The following TYR variants were observed in gnomAD, a reference collection of about 807,000 sequenced individuals.
The protein encoded by TYR is LB24-AB.
TYR carries 58 observed loss-of-function variants against 51.5 expected under a neutral mutation model. The ratio of observed to expected loss-of-function variants is 1.13; its 90% CI spans 0.91 to 1.40. TYR has a LOEUF of 1.40. TYR is among the 40% of genes most tolerant of loss of function. The probability of loss-of-function intolerance (pLI) is 0.00; values close to 1 mark genes in which losing one functional copy is unlikely to be tolerated. For synonymous variants in TYR, 263 were observed against 235.2 expected (o/e 1.12, Z -1.08); for missense variants, 732 against 647.4 (o/e 1.13, Z -1.42).
chr11:89,267,237 T>C (rs562486336), intron 3 of TYR, among the ~76,000 whole-genome samples: 17 of 152,116 alleles, frequency 1.1e-4, no homozygotes, highest in African/African-American at 3.6e-4. Flanking sequence ...AGTGTGCCTG[T>C]ACTACATATG....
chr11:89,249,671 A>C (rs908150992), intron 3 of TYR, among the ~76,000 whole-genome samples: 1 of 152,056 alleles, frequency 6.6e-6, no homozygotes, highest in Non-Finnish European at 1.5e-5. Flanking sequence ...AAGTTTTCAC[A>C]AAATAAGGAG....
Position 89,178,011 on chromosome 11 carries a change from T to A in TYR, c.58T>A (p.Phe20Ile). 1 of 1,614,216 alleles carries A rather than the reference T, an allele frequency of 6.2e-7. No homozygotes were observed. Among genetic ancestry groups the A allele is most frequent in the Non-Finnish European group, 8.5e-7 (1 of 1,180,028 alleles). ...LWSFQTSAGH[F>I]PRACVSSKNL... is the part of the protein sequence containing the mutation. ...GAGTTTCCAGACCTCCGCTGGCCAT[T>A]TCCCTAGAGCCTGTGTCTCCTCTAA... Residue 20 changes from phenylalanine (F) to isoleucine (I), a missense_variant, in exon 1 of 5, where the codon TTC (phenylalanine) becomes ATC (isoleucine). By Grantham distance (21) the Phe-to-Ile change is conservative (BLOSUM62 0). Transcript: ENST00000263321.
chr11:89,256,169 A>G (rs1944388971), intron 3 of TYR, among the ~76,000 whole-genome samples: 1 of 151,816 alleles, frequency 6.6e-6, no homozygotes, highest in Admixed American at 6.6e-5. Flanking sequence ...ATAATTTTAA[A>G]CTTTAATTTA....
At chr11:89,291,900 T>G (rs375464020) in intron 4 of TYR, among the ~76,000 whole-genome samples, 1 of 152,042 alleles carries the variant, frequency 6.6e-6, no homozygotes, top group Non-Finnish European at 1.5e-5. Context: ...CTTCTCAGTA[T>G]AGTATTATCA....
intron 3 of TYR, among the ~76,000 whole-genome samples, chr11:89,284,229 G>A (rs762377081): frequency 2.0e-5 from 3 of 151,674 alleles, no homozygotes; most frequent in African/African-American, 4.8e-5. Context: ...AGAAAAAGCC[G>A]AGAAACAAAG....
Position 89,178,390 on chromosome 11 carries a change from G to A in TYR, c.437G>A (p.Ser146Asn). The change falls in exon 1 of 5, where the codon AGC (serine) becomes AAC (asparagine). Residue 146 changes from serine to asparagine, a missense_variant. Coordinates refer to ENST00000263321, the MANE Select transcript of TYR (RefSeq NM_000372.5). Reference protein sequence around the residue: ...AYLTLAKHTISSDYVIPIGTY... With the variant: ...AYLTLAKHTINSDYVIPIGTY... ...CTCACTTTAGCAAAGCATACCATCAGCTCAGACTATGTCATCCCCATAGGG... is the reference window on the plus strand; with the variant it reads ...CTCACTTTAGCAAAGCATACCATCAACTCAGACTATGTCATCCCCATAGGG... The A allele has an allele frequency of 2.5e-6, 4 of 1,614,144 alleles. No homozygotes were observed. Among genetic ancestry groups the A allele is most frequent in the Non-Finnish European group, 3.4e-6 (4 of 1,180,036 alleles).
intron 2 of TYR, among the ~76,000 whole-genome samples, chr11:89,195,146 A>T (rs1394605651): frequency 6.6e-6 from 1 of 152,180 alleles, no homozygotes; most frequent in East Asian, 1.9e-4. Context: ...CTCTCTCAAT[A>T]AATGCATATG....
At chr11:89,227,674 G>A in intron 2 of TYR, 149 bp from the exon 3 acceptor site, 1 of 721,512 alleles carries the variant, frequency 1.4e-6, no homozygotes, top group Non-Finnish European at 2.3e-6. Context: ...TATCCAGAAT[G>A]TAAAGAGTCT....
intron 3 of TYR, among the ~76,000 whole-genome samples, chr11:89,260,147 C>A (rs182500316): frequency 6.6e-6 from 1 of 151,774 alleles, no homozygotes; most frequent in Admixed American, 6.6e-5. Context: ...AAGGCAAGGA[C>A]GTGTGCAGTA....
At chr11:89,193,752 T>G (rs1205480725) in intron 2 of TYR, among the ~76,000 whole-genome samples, 2 of 152,090 alleles carry the variant, frequency 1.3e-5, no homozygotes, top group Non-Finnish European at 2.9e-5. Flanking sequence ...TTAAAATTAT[T>G]TTTTCTTAAA....
In TYR at chr11:89,264,091, G is replaced by A. The variant is rs1944495416; in HGVS notation, c.1185-20682G>A. On this transcript the variant is annotated intron_variant, in intron 3 of 4. Transcript: ENST00000263321. ...ATAACTTCTAGAGACTTTAAGTGGG[G>A]GAGTATTATTTTTTCATAATTGTTA... Among the ~76,000 whole-genome samples the A allele has an allele frequency of 4.6e-5, 7 of 152,040 alleles. No homozygotes were observed. In the South Asian group the frequency reaches 1.5e-3, roughly 32 times the overall value.
chr11:89,238,645 G>C (rs1944152682), intron 3 of TYR, among the ~76,000 whole-genome samples: 2 of 152,008 alleles, frequency 1.3e-5, no homozygotes, highest in Admixed American at 1.3e-4. Flanking sequence ...TGGTGAGAGT[G>C]GGTATCCTTG....
intron 2 of TYR, among the ~76,000 whole-genome samples, chr11:89,216,543 C>T (rs1398799683): frequency 6.7e-6 from 1 of 149,680 alleles, no homozygotes; most frequent in Non-Finnish European, 1.5e-5. Flanking sequence ...GTCTCAGCTA[C>T]TCAGTAGGCT....
chr11:89,256,219 T>G (rs1180722170), intron 3 of TYR, among the ~76,000 whole-genome samples: 2 of 151,814 alleles, frequency 1.3e-5, no homozygotes, highest in Non-Finnish European at 2.9e-5. Context: ...CTTACAAATA[T>G]TTTTAGAGCA....
rs150207593 is a variant in TYR, at chr11:89,178,643, C to A, written c.690C>A (p.Asn230Lys). 19 of 1,612,602 alleles carry A rather than the reference C, an allele frequency of 1.2e-5. No homozygotes were observed. In the African/African-American group the frequency reaches 2.3e-4, roughly 19 times the overall value. ...QEIQKLTGDE[N>K]FTIPYWDWRD... ...TCCAGAAGCTGACAGGAGATGAAAA[C>A]TTCACTATTCCATATTGGGACTGGC... The change falls in exon 1 of 5, where the codon AAC (asparagine) becomes AAA (lysine). Residue 230 changes from asparagine to lysine, a missense_variant. Coordinates refer to ENST00000263321, the MANE Select transcript of TYR (RefSeq NM_000372.5).
chr11:89,185,912 A>G (rs1238307395), intron 1 of TYR, among the ~76,000 whole-genome samples: 3 of 152,192 alleles, frequency 2.0e-5, no homozygotes, highest in African/African-American at 7.2e-5. Flanking sequence ...TATAAATGAA[A>G]CTACAAGAAA....
At chr11:89,237,239 G>A (rs572302131) in intron 3 of TYR, among the ~76,000 whole-genome samples, 8 of 151,630 alleles carry the variant, frequency 5.3e-5, no homozygotes, top group South Asian at 2.1e-4. Flanking sequence ...TTTTATTTTC[G>A]TTGCCTGTGC....
In TYR at chr11:89,247,741, A is replaced by T. The variant is rs116059988; in HGVS notation, c.1184+19771A>T. 7.4e-3 allele frequency among the ~76,000 whole-genome samples: 1,126 copies of T among 152,280 alleles called. 8 individuals carry two copies. The highest frequency in any genetic ancestry group is 0.023 in the African/African-American group (950 of 41,558). Reference sequence around the variant, plus strand: ...CAGTTTTCTGCAAAGCGGAGGGAAGAGTGTCAACCTCTTGCCCTGCAGATT... The same window carrying T: ...CAGTTTTCTGCAAAGCGGAGGGAAGTGTGTCAACCTCTTGCCCTGCAGATT... On this transcript the variant is annotated intron_variant, in intron 3 of 4. Transcript: ENST00000263321.
intron 1 of TYR, among the ~76,000 whole-genome samples, chr11:89,190,679 G>A (rs1034622110): frequency 1.3e-5 from 2 of 151,976 alleles, no homozygotes; most frequent in African/African-American, 2.4e-5. Flanking sequence ...GTAGTGTAGA[G>A]TAGTATCTTA....
Sources: gnomAD v4.1 joint callset for allele counts (sites outside exome capture counted in the v4.1 genomes callset) on GRCh38, gnomAD v4.1.1 for gene constraint, MANE v1.5 for transcripts, NCBI Gene and HGNC (gene_info 2026-07-23, HGNC 2026-07-21) for gene names.